DEPTOR: variants seen among roughly 807,000 people sequenced by gnomAD.
The protein encoded by DEPTOR is DEP domain containing MTOR interacting protein, also known as DEP domain-containing mTOR-interacting protein.
Under a neutral mutation model 41.6 loss-of-function variants are expected in DEPTOR, and 41 were observed. The ratio of observed to expected loss-of-function variants is 0.98; its 90% CI spans 0.77 to 1.28. The LOEUF is 1.28. DEPTOR is among the 50% of genes most tolerant of loss of function. The probability of loss-of-function intolerance (pLI) is 0.00; values close to 1 mark genes in which losing one functional copy is unlikely to be tolerated. For synonymous variants in DEPTOR, 195 were observed against 192.3 expected, an observed-to-expected ratio of 1.01 and a Z score of -0.12; for missense variants, 514 against 527.9, an observed-to-expected ratio of 0.97 and a Z score of 0.26.
At chr8:119,957,577 T>TTTTTC (rs1292835598) in intron 3 of DEPTOR, among the ~76,000 whole-genome samples, 1 of 150,766 alleles carries the variant, frequency 6.6e-6, no homozygotes, top group East Asian at 1.9e-4. Context: ...TTCTATTTTT[T>TTTTTC]TTTTCTTTCT....
chr8:119,892,637 G>C (rs1827466074), intron 1 of DEPTOR, among the ~76,000 whole-genome samples: 1 of 152,202 alleles, frequency 6.6e-6, no homozygotes, highest in Admixed American at 6.5e-5. Flanking sequence ...AGAAGCTCCA[G>C]TTAAACCCAT....
intron 3 of DEPTOR, among the ~76,000 whole-genome samples, chr8:119,948,518 T>C (rs1298888911): frequency 6.6e-6 from 1 of 152,118 alleles, no homozygotes; most frequent in Non-Finnish European, 1.5e-5. Context: ...TTTTAACAGC[T>C]TTATGAAGAC....
Position 119,984,050 on chromosome 8 carries a change from TC to T in DEPTOR, c.605-17473del, listed in dbSNP as rs1205976456. 2.0e-5 allele frequency among the ~76,000 whole-genome samples: 3 copies of T among 152,164 alleles called. No homozygotes were observed. The East Asian group carries it at 5.8e-4, about 29-fold the overall frequency. On this transcript the variant is annotated intron_variant, in intron 4 of 8. Coordinates refer to ENST00000286234, the MANE Select transcript of DEPTOR (RefSeq NM_022783.4). ...GGAAGAAACTTTCACATCCTGGGGT[TC>T]CTGGGAAGGATTTTATTTCAGTACC... is the stretch of plus-strand genomic sequence containing the variant.
At chr8:119,878,406 G>A (rs1361253073) in intron 1 of DEPTOR, among the ~76,000 whole-genome samples, 1 of 150,152 alleles carries the variant, frequency 6.7e-6, no homozygotes, top group Admixed American at 6.7e-5. Context: ...TGCAACCTTC[G>A]CCTCCCAGGT....
At chr8:119,920,818 T>C (rs944303268) in intron 1 of DEPTOR, among the ~76,000 whole-genome samples, 1 of 152,098 alleles carries the variant, frequency 6.6e-6, no homozygotes, top group Non-Finnish European at 1.5e-5. Flanking sequence ...GAAGAGAAAC[T>C]GGAAAACTCT....
chr8:120,008,775 T>C (rs1238180621), intron 7 of DEPTOR, among the ~76,000 whole-genome samples: 1 of 152,166 alleles, frequency 6.6e-6, no homozygotes, highest in Non-Finnish European at 1.5e-5. Context: ...CTTCCAGTTG[T>C]TTATTGAATC....
At chr8:120,016,392 G>C (rs916076660) in intron 8 of DEPTOR, among the ~76,000 whole-genome samples, 1 of 151,634 alleles carries the variant, frequency 6.6e-6, no homozygotes, top group Middle Eastern at 3.4e-3. Context: ...TCTGCCTCCC[G>C]AGTTCAAGTG....
intron 6 of DEPTOR, among the ~76,000 whole-genome samples, chr8:120,004,602 T>C (rs950183369): frequency 6.6e-6 from 1 of 152,202 alleles, no homozygotes; most frequent in African/African-American, 2.4e-5. Context: ...ACAAAATCCA[T>C]GTTCCCTGAG....
At chr8:120,036,449 T>C (rs1812980667) in intron 8 of DEPTOR, among the ~76,000 whole-genome samples, 1 of 152,200 alleles carries the variant, frequency 6.6e-6, no homozygotes, top group Non-Finnish European at 1.5e-5. Context: ...GTCCAAGAAC[T>C]GGATCCCTGC....
At chr8:119,981,788 A>AG (rs898588855) in intron 4 of DEPTOR, among the ~76,000 whole-genome samples, 6 of 152,076 alleles carry the variant, frequency 3.9e-5, no homozygotes, top group Non-Finnish European at 7.4e-5. Context: ...AAGCCAAGGC[A>AG]GGCGAATCAC....
At position 119,906,363 on chromosome 8, in the gene DEPTOR, G is replaced by A. The variant is rs577069614; in HGVS notation, c.123-22037G>A. Among the ~76,000 whole-genome samples the A allele has an allele frequency of 5.9e-5, 9 of 152,086 alleles. No homozygotes were observed. In the South Asian group the frequency reaches 1.9e-3, roughly 32 times the overall value. ...CCCAGCTACTCAGGAGGCTGAGGCG[G>A]GAAGATCACTTGAGCCCAACTGGTG... On this transcript the variant is annotated intron_variant, in intron 1 of 8. Coordinates refer to ENST00000286234, the MANE Select transcript of DEPTOR (RefSeq NM_022783.4).
intron 3 of DEPTOR, among the ~76,000 whole-genome samples, chr8:119,942,580 G>A (rs1686510556): frequency 6.6e-6 from 1 of 152,200 alleles, no homozygotes. Context: ...GATTGACTGT[G>A]CTGGCTACTT....
chr8:119,985,826 CTTTTTTTTTTTTTTTTT>C (rs999602227), intron 4 of DEPTOR, among the ~76,000 whole-genome samples: 47 of 41,626 alleles, frequency 1.1e-3, no homozygotes, highest in African/African-American at 4.1e-3. Context: ...AACCCCTGCT[CTTTTTTTTTTTTTTTTT>C]TTTTTTTTTT....
chr8:120,006,684 C>A, intron 6 of DEPTOR, 121 bp from the exon 7 acceptor site: 2 of 760,074 alleles, frequency 2.6e-6, no homozygotes, highest in Non-Finnish European at 4.5e-6. Flanking sequence ...AACTGTGAGG[C>A]AGGGATCTTT....
chr8:119,933,676 G>A (rs1828074212), intron 3 of DEPTOR, among the ~76,000 whole-genome samples: 1 of 152,114 alleles, frequency 6.6e-6, no homozygotes, highest in South Asian at 2.1e-4. Flanking sequence ...GCGAGGGACA[G>A]GGTGAGACAT....
intron 3 of DEPTOR, among the ~76,000 whole-genome samples, chr8:119,962,789 G>A (rs73705848): frequency 0.053 from 8,113 of 152,232 alleles, 327 homozygotes; most frequent in African/African-American, 0.11. Flanking sequence ...AAGTATTGGT[G>A]TTTTAGACTA....
chr8:120,019,544 ACGCCCG>A (rs1271138393), intron 8 of DEPTOR, among the ~76,000 whole-genome samples: 1 of 152,064 alleles, frequency 6.6e-6, no homozygotes, highest in Non-Finnish European at 1.5e-5. Flanking sequence ...TCCATTCCTC[ACGCCCG>A]TGTAACTTTT....
intron 8 of DEPTOR, among the ~76,000 whole-genome samples, chr8:120,034,264 T>TACACACAC (rs71571645): frequency 0.021 from 3,064 of 145,332 alleles, 81 homozygotes; most frequent in African/African-American, 0.055. Context: ...GCAAAGCATG[T>TACACACAC]ACACACACAC....
At chr8:120,025,986 AT>A (rs11396127) in intron 8 of DEPTOR, among the ~76,000 whole-genome samples, 125 of 141,858 alleles carry the variant, frequency 8.8e-4, no homozygotes, top group Non-Finnish European at 1.3e-3. Flanking sequence ...AGGACTTTTG[AT>A]TTTTTTTTTT....
Sources: gnomAD v4.1 joint callset for allele counts (sites outside exome capture counted in the v4.1 genomes callset) on GRCh38, gnomAD v4.1.1 for gene constraint, MANE v1.5 for transcripts, NCBI Gene and HGNC (gene_info 2026-07-23, HGNC 2026-07-21) for gene names.